The following WASF1 variants were observed in gnomAD, a reference collection of about 807,000 sequenced individuals.
WASF1 encodes WASP family member 1.
In WASF1, 7 loss-of-function variants were observed where a neutral mutation model predicts 50.5. That is an observed-to-expected ratio of 0.14 (90% CI 0.08 to 0.26). The LOEUF (loss-of-function observed/expected upper bound fraction) is 0.26. Among genes scored for constraint, WASF1 ranks in the 10% least tolerant of loss-of-function variants. The pLI, the probability that WASF1 is intolerant of heterozygous loss-of-function variation, is 1.00. For synonymous variants in WASF1, 205 were observed against 244.0 expected (o/e 0.84, Z 1.49); for missense variants, 470 against 694.7 (o/e 0.68, Z 3.64).
intron 2 of WASF1, among the ~76,000 whole-genome samples, chr6:110,172,141 T>C (rs1328402533): frequency 1.3e-5 from 2 of 152,226 alleles, no homozygotes; most frequent in Non-Finnish European, 2.9e-5. Flanking sequence ...CTCAAGGATC[T>C]AGAACTAGAA....
At chr6:110,167,315 G>C (rs927692022) in intron 2 of WASF1, among the ~76,000 whole-genome samples, 1 of 149,576 alleles carries the variant, frequency 6.7e-6, no homozygotes, top group African/African-American at 2.5e-5. Flanking sequence ...TTTTTTCAAA[G>C]TTAGAAAGAG....
rs776706458 is a variant in WASF1, at chr6:110,101,778, T to C, written c.1332A>G (p.Thr444=). ...AGGGAGGATGAGCAAGAGCTGTAAC[T>C]GTGACAGGTGATGATGGTCGAATGC... is the stretch of plus-strand genomic sequence containing the variant. ...PPGIRPSSPV[T]VTALAHPPSG... Residue 444 remains threonine, a synonymous_variant, in exon 10 of 11, where the codon ACA becomes ACG. Coordinates refer to ENST00000392589, the MANE Select transcript of WASF1 (RefSeq NM_003931.3). The C allele has an allele frequency of 1.2e-6, 2 of 1,614,052 alleles. No homozygotes were observed. The highest frequency in any genetic ancestry group is 2.2e-5 in the East Asian group (1 of 44,872).
intron 2 of WASF1, among the ~76,000 whole-genome samples, chr6:110,176,783 T>A (rs2114633373): frequency 6.6e-6 from 1 of 152,202 alleles, no homozygotes; most frequent in African/African-American, 2.4e-5. Context: ...AGTGACGGTG[T>A]CAGCTAAATT....
intron 3 of WASF1, among the ~76,000 whole-genome samples, chr6:110,134,290 C>T (rs996055032): frequency 1.3e-5 from 2 of 152,182 alleles, no homozygotes; most frequent in African/African-American, 4.8e-5. Context: ...TGCCGATTAT[C>T]GCAGCAATAT....
intron 2 of WASF1, among the ~76,000 whole-genome samples, chr6:110,178,121 T>C (rs1777012927): frequency 6.6e-6 from 1 of 152,104 alleles, no homozygotes; most frequent in African/African-American, 2.4e-5. Flanking sequence ...GAATGACTGA[T>C]ATGATGGTTA....
At chr6:110,133,361 T>G (rs1399929291) in intron 3 of WASF1, among the ~76,000 whole-genome samples, 1 of 152,180 alleles carries the variant, frequency 6.6e-6, no homozygotes, top group Non-Finnish European at 1.5e-5. Context: ...TTTTTTATAG[T>G]ATCTTTTTTA....
chr6:110,124,223 TCTC>T lies in WASF1; in HGVS notation c.133+3243_133+3245del, dbSNP rs1161523448. On this transcript the variant is annotated intron_variant, in intron 4 of 10. Transcript: ENST00000392589. ...TCTCTCTCTCTCTCTCTCTCCTCTCTCTCCTCTCTCTCCTCTCTCTCTCTCTCT... is the reference window on the plus strand; with the variant it reads ...TCTCTCTCTCTCTCTCTCTCCTCTCTCTCTCTCTCCTCTCTCTCTCTCTCT... 2.0e-3 allele frequency among the ~76,000 whole-genome samples: 137 copies of T among 69,968 alleles called. 12 individuals are homozygous for T. The highest frequency in any genetic ancestry group is 0.011 in the African/African-American group (128 of 11,192). 45.9% of individuals were successfully genotyped at this position (69,968 alleles called of 152,430 possible). A position where few individuals can be genotyped will look rare whatever the true frequency, so the allele number is the denominator to read the frequency against.
chr6:110,165,571 CT>C (rs1445850491), intron 2 of WASF1, among the ~76,000 whole-genome samples: 1 of 151,726 alleles, frequency 6.6e-6, no homozygotes, highest in Non-Finnish European at 1.5e-5. Context: ...CCTACCTGAC[CT>C]TTTGCCTCTC....
At chr6:110,175,891 T>C (rs1339116502) in intron 2 of WASF1, among the ~76,000 whole-genome samples, 1 of 152,144 alleles carries the variant, frequency 6.6e-6, no homozygotes, top group Non-Finnish European at 1.5e-5. Flanking sequence ...CAAATTATTA[T>C]AGGTATTTTA....
intron 2 of WASF1, among the ~76,000 whole-genome samples, chr6:110,175,726 C>T (rs998295458): frequency 1.3e-5 from 2 of 152,120 alleles, no homozygotes; most frequent in Non-Finnish European, 2.9e-5. Flanking sequence ...TAAGCCTATG[C>T]CACTCACTGA....
intron 3 of WASF1, among the ~76,000 whole-genome samples, chr6:110,139,742 G>A (rs576986257): frequency 1.3e-5 from 2 of 152,156 alleles, no homozygotes; most frequent in Admixed American, 1.3e-4. Context: ...TACATTCCAA[G>A]ACCTCCAGTG....
chr6:110,146,696 C>T (rs1562181499), intron 3 of WASF1, among the ~76,000 whole-genome samples: 2 of 151,974 alleles, frequency 1.3e-5, no homozygotes, highest in South Asian at 4.1e-4. Context: ...ATCTATAATG[C>T]ACATTATCTC....
intron 3 of WASF1, among the ~76,000 whole-genome samples, chr6:110,143,473 C>A (rs897849077): frequency 2.6e-5 from 4 of 151,630 alleles, no homozygotes; most frequent in Non-Finnish European, 5.9e-5. Context: ...AAAAATAACC[C>A]AAGATCAGAT....
intron 8 of WASF1, among the ~76,000 whole-genome samples, 153 bp from the exon 9 acceptor site, chr6:110,103,710 C>T (rs982677211): frequency 1.3e-5 from 2 of 152,106 alleles, no homozygotes; most frequent in Non-Finnish European, 2.9e-5. Context: ...ATTAATCCTG[C>T]TTTTAAAACA....
intron 9 of WASF1, among the ~76,000 whole-genome samples, chr6:110,102,971 T>C (rs570459176): frequency 6.6e-6 from 1 of 152,348 alleles, no homozygotes; most frequent in East Asian, 1.9e-4. Context: ...TTCCCATTTC[T>C]TAGACTGTTA....
chr6:110,141,681 T>C (rs150115960), intron 3 of WASF1, among the ~76,000 whole-genome samples: 206 of 151,668 alleles, frequency 1.4e-3, no homozygotes, highest in African/African-American at 4.7e-3. Context: ...AATCAATAAA[T>C]AAATGGAAGA....
intron 4 of WASF1, among the ~76,000 whole-genome samples, chr6:110,124,215 CT>C (rs1774272413): frequency 4.2e-5 from 3 of 72,258 alleles, no homozygotes; most frequent in African/African-American, 2.5e-4. Context: ...CTCTCTCTCT[CT>C]CCTCTCTCTC....
intron 3 of WASF1, among the ~76,000 whole-genome samples, chr6:110,138,007 C>G (rs1266611176): frequency 6.6e-6 from 1 of 152,236 alleles, no homozygotes; most frequent in African/African-American, 2.4e-5. Flanking sequence ...GGGCTTGTTC[C>G]GCTCACTCAG....
At chr6:110,150,780 A>G (rs1320917934) in intron 3 of WASF1, among the ~76,000 whole-genome samples, 1 of 152,224 alleles carries the variant, frequency 6.6e-6, no homozygotes, top group Non-Finnish European at 1.5e-5. Flanking sequence ...TCACGCCTGT[A>G]ATCACAGCAC....
Sources: allele counts gnomAD v4.1 joint callset (sites outside exome capture counted in the v4.1 genomes callset), GRCh38; gene constraint gnomAD v4.1.1; transcripts MANE v1.5; gene names NCBI Gene and HGNC (gene_info 2026-07-23, HGNC 2026-07-21).